The following CPEB4 variants were observed in gnomAD, a reference collection of about 807,000 sequenced individuals.
CPEB4 encodes cytoplasmic polyadenylation element-binding protein 4.
CPEB4 carries 12 observed loss-of-function variants against 72.5 expected under a neutral mutation model. The observed-to-expected ratio is 0.17, with a 90% CI of 0.11 to 0.27. The LOEUF (loss-of-function observed/expected upper bound fraction) is 0.27, where lower values mean the gene tolerates loss of function less well. Ranked by LOEUF, CPEB4 falls within the 10% of genes least tolerant of loss-of-function variation. CPEB4 has a pLI of 1.00. For synonymous variants in CPEB4, 302 were observed against 326.3 expected, an observed-to-expected ratio of 0.93 and a Z score of 0.80; for missense variants, 614 against 908.5, an observed-to-expected ratio of 0.68 and a Z score of 4.17.
At position 173,961,523 on chromosome 5, in the gene CPEB4, T is replaced by C. The variant is rs1399506513; in HGVS notation, c.*5386T>C. 6.6e-6 allele frequency: 1 copy of C among 152,202 alleles called. No individual in the cohort carries two copies. Among genetic ancestry groups the C allele is most frequent in the African/African-American group, 2.4e-5 (1 of 41,448 alleles). The allele number at this position is 152,202 out of a possible 1,614,324, so 9.4% of individuals were successfully genotyped here. ...AGGCTTCCTGGGCTATATTTCTTCATTCACTGATTGCCTAAACCTACCCAA... is the reference window on the plus strand; with the variant it reads ...AGGCTTCCTGGGCTATATTTCTTCACTCACTGATTGCCTAAACCTACCCAA... On this transcript the variant is annotated 3_prime_UTR_variant, in exon 10 of 10. Transcript: ENST00000265085.
rs761901637 is a variant in CPEB4, at chr5:173,945,088, A to T, written c.1404A>T (p.Glu468Asp). ...CFSHQNGERV[E>D]RYSRKVFVGG... ...GTCACCAGAATGGGGAAAGAGTGGA[A>T]CGATATTCTCGAAAGGTGTTTGTAG... The change falls in exon 5 of 10, where the codon GAA becomes GAT. Residue 468 changes from glutamate to aspartate, a missense_variant. By Grantham distance (45) the Glu-to-Asp change is conservative (BLOSUM62 2). Coordinates refer to ENST00000265085, the MANE Select transcript of CPEB4 (RefSeq NM_030627.4). 3.7e-6 allele frequency: 6 copies of T among 1,613,584 alleles called. No individual in the cohort carries two copies.
At chr5:173,926,920 G>C (rs970426303) in intron 2 of CPEB4, among the ~76,000 whole-genome samples, 1 of 152,032 alleles carries the variant, frequency 6.6e-6, no homozygotes, top group Admixed American at 6.5e-5. Context: ...AGGCTGAGGT[G>C]GAGGCATCAC....
Position 173,922,826 on chromosome 5 carries a change from C to T in CPEB4, c.1208-9624C>T, listed in dbSNP as rs147675868. ...ATGTAAAGTCCAGAGCTGTCTGAGG[C>T]CATTCATACAACAAATATACATCAG... On this transcript the variant is annotated intron_variant, in intron 2 of 9. Coordinates refer to ENST00000265085, the MANE Select transcript of CPEB4 (RefSeq NM_030627.4). 1.7e-3 allele frequency among the ~76,000 whole-genome samples: 256 copies of T among 152,266 alleles called. 2 individuals carry two copies. Among genetic ancestry groups the T allele is most frequent in the Middle Eastern group, 6.8e-3 (2 of 294 alleles).
At chr5:173,917,183 A>T (rs1403423811) in intron 2 of CPEB4, among the ~76,000 whole-genome samples, 1 of 152,086 alleles carries the variant, frequency 6.6e-6, no homozygotes, top group East Asian at 1.9e-4. Context: ...GGAATAAATA[A>T]TTTTTTTTCA....
At chr5:173,930,254 C>T (rs1279323031) in intron 2 of CPEB4, among the ~76,000 whole-genome samples, 1 of 152,164 alleles carries the variant, frequency 6.6e-6, no homozygotes, top group East Asian at 1.9e-4. Context: ...TGGGGTTTCA[C>T]CACATTGACC....
intron 3 of CPEB4, among the ~76,000 whole-genome samples, chr5:173,942,493 G>T (rs1757882411): frequency 6.6e-6 from 1 of 152,154 alleles, no homozygotes; most frequent in Non-Finnish European, 1.5e-5. Flanking sequence ...ACTTGATTAG[G>T]CATAGGGAAC....
intron 3 of CPEB4, among the ~76,000 whole-genome samples, chr5:173,941,311 C>T (rs1170668842): frequency 2.6e-5 from 4 of 152,178 alleles, no homozygotes; most frequent in Admixed American, 2.6e-4. Context: ...ACCTACCCCT[C>T]CCCAACCCCC....
chr5:173,889,584 A>G lies in CPEB4; in HGVS notation c.-150A>G, dbSNP rs971073386. 1.1e-4 allele frequency: 71 copies of G among 640,254 alleles called. 1 individual carries two copies. The highest frequency in any genetic ancestry group is 1.8e-4 in the Non-Finnish European group (67 of 372,050). The allele number at this position is 640,254 out of a possible 1,614,324, so 39.7% of individuals were successfully genotyped here. A position where few individuals can be genotyped will look rare whatever the true frequency, so the allele number is the denominator to read the frequency against. On this transcript the variant is annotated 5_prime_UTR_variant, in exon 1 of 10. Transcript: ENST00000265085. The stretch of plus-strand genomic sequence containing the variant: ...CCAGAATTCCAAATCAGAACAATTT[A>G]AGGTGATAAGCTGCGATCTTTGAGC...
chr5:173,956,186 C>T lies in CPEB4; in HGVS notation c.*49C>T. The T allele has an allele frequency of 6.9e-7, 1 of 1,456,268 alleles. No individual in the cohort carries two copies. The highest frequency in any genetic ancestry group is 9.6e-7 in the Non-Finnish European group (1 of 1,039,020). The allele number at this position is 1,456,268 out of a possible 1,614,324, so 90.2% of individuals were successfully genotyped here. On this transcript the variant is annotated 3_prime_UTR_variant, in exon 10 of 10. Coordinates refer to ENST00000265085, the MANE Select transcript of CPEB4 (RefSeq NM_030627.4). ...CAGGCCTCAGAATAAGTGCACTCTT[C>T]TGTTCATTCTGACCCCTTCCTCAAC...
In CPEB4 at chr5:173,888,469, G is replaced by T; in HGVS notation, c.-1265G>T. 2.3e-6 allele frequency: 1 copy of T among 435,670 alleles called. No homozygotes were observed. The highest frequency in any genetic ancestry group is 6.5e-5 in the South Asian group (1 of 15,424). 27.0% of individuals were successfully genotyped at this position (435,670 alleles called of 1,614,324 possible). ...AGCAGAGGAGGAAGAGGAGGAAGAA[G>T]GAAAGAAAAAGAAGAACCAGGAGGA... is the stretch of plus-strand genomic sequence containing the variant. On this transcript the variant is annotated 5_prime_UTR_variant, in exon 1 of 10. It adds an upstream start codon to the 5' untranslated region. Coordinates refer to ENST00000265085, the MANE Select transcript of CPEB4 (RefSeq NM_030627.4). This position sits in a 1 kb window ranked among gnomAD's most constrained non-coding sequence, Gnocchi z 4.3.
intron 3 of CPEB4, among the ~76,000 whole-genome samples, chr5:173,935,021 A>G (rs567793347): frequency 6.6e-6 from 1 of 151,626 alleles, no homozygotes; most frequent in Non-Finnish European, 1.5e-5. Flanking sequence ...GTGAAGATTA[A>G]TTAAAGAATT....
intron 5 of CPEB4, among the ~76,000 whole-genome samples, chr5:173,945,457 G>C (rs529419373): frequency 6.6e-6 from 1 of 151,048 alleles, no homozygotes; most frequent in African/African-American, 2.4e-5. Context: ...TGCTACTTTG[G>C]ACAAATTCAT....
intron 3 of CPEB4, among the ~76,000 whole-genome samples, chr5:173,941,817 G>A (rs111586253): frequency 0.15 from 22,718 of 152,222 alleles, 1,817 homozygotes; most frequent in Non-Finnish European, 0.16. Flanking sequence ...GGCGGAGGCC[G>A]CAGTGAGCTG....
rs1758145034 is a variant in CPEB4, at chr5:173,949,496, GTTGT to G, written c.1457-9_1457-6del. On this transcript the variant is annotated splice_polypyrimidine_tract_variant and splice_region_variant and intron_variant, in intron 5 of 9. Coordinates refer to ENST00000265085, the MANE Select transcript of CPEB4 (RefSeq NM_030627.4). ...ATATTTAAATCTACTGTTTTCCTTT[GTTGT>G]TTATTAGATGAGATCACAGCTAGTT... 6.3e-7 allele frequency: 1 copy of G among 1,578,276 alleles called. No homozygotes were observed. Among genetic ancestry groups the G allele is most frequent in the African/African-American group, 1.4e-5 (1 of 73,880 alleles).
At chr5:173,894,501 A>G (rs1451955574) in intron 1 of CPEB4, among the ~76,000 whole-genome samples, 4 of 151,544 alleles carry the variant, frequency 2.6e-5, no homozygotes, top group African/African-American at 7.3e-5. Context: ...GGTGCCTGTA[A>G]TCCCAGCTAC....
chr5:173,923,710 C>T (rs895991189), intron 2 of CPEB4, among the ~76,000 whole-genome samples: 9 of 149,166 alleles, frequency 6.0e-5, no homozygotes, highest in Admixed American at 2.0e-4. Context: ...CTTTTTTTTT[C>T]CAACTGACTT....
Position 173,958,028 on chromosome 5 carries a change from A to G in CPEB4, c.*1891A>G, listed in dbSNP as rs1179883111. 2 of 152,768 alleles carry G rather than the reference A, an allele frequency of 1.3e-5. No individual in the cohort carries two copies. The highest frequency in any genetic ancestry group is 6.5e-5 in the Admixed American group (1 of 15,272). The allele number at this position is 152,768 out of a possible 1,614,324, so 9.5% of individuals were successfully genotyped here. A position where few individuals can be genotyped will look rare whatever the true frequency, so the allele number is the denominator to read the frequency against. On this transcript the variant is annotated 3_prime_UTR_variant, in exon 10 of 10. Coordinates refer to ENST00000265085, the MANE Select transcript of CPEB4 (RefSeq NM_030627.4). ...ACTTTTTTTTCTTTTCTCCTGAACT[A>G]CATGATTCTAATTGGAATGTTCATT...
At position 173,888,407 on chromosome 5, in the gene CPEB4, A is replaced by AGGC. The variant is rs1755682114; in HGVS notation, c.-1324_-1322dup. On this transcript the variant is annotated 5_prime_UTR_variant, in exon 1 of 10. Transcript: ENST00000265085. The surrounding 1 kb of genome is among the most constrained non-coding windows in gnomAD (Gnocchi z 4.3). ...GCGGCTGCGGGACCCGGGCACCGGG[A>AGGC]GGCGGTGGCGGCGGCGGCGGCGGCA... 6.6e-6 allele frequency: 3 copies of AGGC among 451,830 alleles called. No individual in the cohort carries two copies. Among genetic ancestry groups the AGGC allele is most frequent in the Middle Eastern group, 4.9e-4 (1 of 2,058 alleles). The allele number at this position is 451,830 out of a possible 1,614,324, so 28.0% of individuals were successfully genotyped here.
At position 173,950,403 on chromosome 5, in the gene CPEB4, G is replaced by A. The variant is rs561475099; in HGVS notation, c.1665+325G>A. Among the ~76,000 whole-genome samples the A allele has an allele frequency of 9.9e-5, 15 of 152,222 alleles. No homozygotes were observed. Among genetic ancestry groups the A allele is most frequent in the East Asian group, 1.9e-4 (1 of 5,174 alleles). On this transcript the variant is annotated intron_variant, in intron 7 of 9. Transcript: ENST00000265085. This position sits in a 1 kb window ranked among gnomAD's most constrained non-coding sequence, Gnocchi z 5.0. ...GTGGATCACATGAGGTCAGGAGTTC[G>A]AGACCAGCCTGGCCAACATGGTGAA...
Sources: allele counts gnomAD v4.1 joint callset (sites outside exome capture counted in the v4.1 genomes callset), GRCh38; gene constraint gnomAD v4.1.1; non-coding constraint Gnocchi (gnomAD v3.1); transcripts MANE v1.5; gene names NCBI Gene and HGNC (gene_info 2026-07-23, HGNC 2026-07-21).